ZC3H6: variants seen among roughly 807,000 people sequenced by gnomAD.
ZC3H6 encodes the protein zinc finger CCCH-type containing 6, also known as zinc finger CCCH domain-containing protein 6.
ZC3H6 carries 40 observed loss-of-function variants against 107.7 expected under a neutral mutation model. The observed-to-expected ratio is 0.37, with a 90% CI of 0.29 to 0.48. ZC3H6 has a LOEUF of 0.48. Ranked by LOEUF, ZC3H6 falls within the 20% of genes least tolerant of loss-of-function variation. The pLI, the probability that ZC3H6 is intolerant of heterozygous loss-of-function variation, is 0.98. For missense variants in ZC3H6, 1,267 were observed against 1,410.4 expected (o/e 0.90, Z 1.63); for synonymous variants, 493 against 487.9 (o/e 1.01, Z -0.14).
At chr2:112,312,117 T>A in intron 5 of ZC3H6, 180 bp downstream of exon 5, 6 of 579,438 alleles carry the variant, frequency 1.0e-5, no homozygotes, top group Non-Finnish European at 1.6e-5. Context: ...GAAACTAATT[T>A]ACAGATTTTG....
rs564035069 is a variant in ZC3H6 at position 112,317,198 on chromosome 2, C to CTTTTTT, written c.865-14_865-9dup. Reference sequence around the variant, plus strand: ...TGTTTCTTACCTTTTTTTCTTTTTTCTTTTTTTTTTTTTTGTGAATAGGGA... The same window carrying CTTTTTT: ...TGTTTCTTACCTTTTTTTCTTTTTTCTTTTTTTTTTTTTTTTTTTTGTGAATAGGGA... On this transcript the variant is annotated intron_variant, in intron 6 of 11. Transcript: ENST00000409871. The CTTTTTT allele has an allele frequency of 6.7e-5, 69 of 1,027,700 alleles. 1 individual carries two copies. Among genetic ancestry groups the CTTTTTT allele is most frequent in the South Asian group, 5.2e-4 (23 of 44,300 alleles). The allele number at this position is 1,027,700 out of a possible 1,614,324, so 63.7% of individuals were successfully genotyped here. A position where few individuals can be genotyped will look rare whatever the true frequency, so the allele number is the denominator to read the frequency against.
At chr2:112,279,827 C>T (rs1468497457) in intron 1 of ZC3H6, among the ~76,000 whole-genome samples, 3 of 152,196 alleles carry the variant, frequency 2.0e-5, no homozygotes, top group African/African-American at 7.2e-5. Context: ...TAAATACAAC[C>T]TAGATAAGAA....
intron 1 of ZC3H6, among the ~76,000 whole-genome samples, chr2:112,280,786 TAGTA>T (rs1195003485): frequency 6.6e-6 from 1 of 152,256 alleles, no homozygotes; most frequent in African/African-American, 2.4e-5. Flanking sequence ...ATAAAAGTGT[TAGTA>T]TGTGGAGAGT....
intron 3 of ZC3H6, among the ~76,000 whole-genome samples, chr2:112,305,273 G>C (rs1676454723): frequency 6.6e-6 from 1 of 152,148 alleles, no homozygotes; most frequent in Non-Finnish European, 1.5e-5. Context: ...AAAATATCAA[G>C]TAATGAGACA....
At chr2:112,285,006 T>C (rs1401582872) in intron 1 of ZC3H6, among the ~76,000 whole-genome samples, 3 of 152,210 alleles carry the variant, frequency 2.0e-5, no homozygotes, top group African/African-American at 7.2e-5. Context: ...TTAATACTGG[T>C]ATGACAACTG....
At chr2:112,299,368 GC>G (rs1408183593) in intron 1 of ZC3H6, among the ~76,000 whole-genome samples, 2 of 152,020 alleles carry the variant, frequency 1.3e-5, no homozygotes, top group Non-Finnish European at 2.9e-5. Flanking sequence ...GCCAAGGGCA[GC>G]CCATTCTTGG....
chr2:112,303,041 C>T (rs1676411475), intron 2 of ZC3H6, among the ~76,000 whole-genome samples, 188 bp from the exon 3 acceptor site: 2 of 152,060 alleles, frequency 1.3e-5, no homozygotes, highest in African/African-American at 2.4e-5. Context: ...ATAGACTTCT[C>T]AGAAAACCTC....
intron 8 of ZC3H6, among the ~76,000 whole-genome samples, chr2:112,322,094 C>CCCTTCCCT (rs1676812197): frequency 1.3e-5 from 2 of 149,664 alleles, no homozygotes; most frequent in Non-Finnish European, 1.5e-5. Context: ...CTTTCTCTCC[C>CCCTTCCCT]CCTTCCCTCC....
In ZC3H6 at chr2:112,303,497, A is replaced by C. The variant is rs566568329; in HGVS notation, c.336+146A>C. ...ACTTATCCATTTCTAGAAATTCTTG[A>C]TCATTCCAAACAGAAACTCAGCACC... is the stretch of plus-strand genomic sequence containing the variant. On this transcript the variant is annotated intron_variant, in intron 3 of 11. Coordinates refer to ENST00000409871, the MANE Select transcript of ZC3H6 (RefSeq NM_198581.3). 3.4e-5 allele frequency: 21 copies of C among 612,364 alleles called. No individual in the cohort carries two copies. The South Asian group carries it at 4.8e-4, about 14-fold the overall frequency. 37.9% of individuals were successfully genotyped at this position (612,364 alleles called of 1,614,324 possible). A position where few individuals can be genotyped will look rare whatever the true frequency, so the allele number is the denominator to read the frequency against.
intron 3 of ZC3H6, among the ~76,000 whole-genome samples, chr2:112,303,666 T>C (rs993072595): frequency 2.6e-5 from 4 of 152,222 alleles, no homozygotes; most frequent in African/African-American, 9.6e-5. Flanking sequence ...CTGGCTTATT[T>C]CACTTAACAT....
chr2:112,292,902 T>C (rs976814801), intron 1 of ZC3H6, among the ~76,000 whole-genome samples: 3 of 152,180 alleles, frequency 2.0e-5, no homozygotes, highest in Non-Finnish European at 2.9e-5. Context: ...CTGGAAGACG[T>C]GAGAAGTCTC....
At chr2:112,288,602 T>C (rs1157095952) in intron 1 of ZC3H6, among the ~76,000 whole-genome samples, 1 of 152,334 alleles carries the variant, frequency 6.6e-6, no homozygotes, top group Middle Eastern at 3.4e-3. Flanking sequence ...AACACAGATC[T>C]TTCTGGTTCT....
chr2:112,325,982 A>G (rs913171259), intron 11 of ZC3H6, among the ~76,000 whole-genome samples: 1 of 152,072 alleles, frequency 6.6e-6, no homozygotes, highest in African/African-American at 2.4e-5. Flanking sequence ...TAAACATGAC[A>G]TTTATGAAAA....
intron 11 of ZC3H6, among the ~76,000 whole-genome samples, chr2:112,329,431 A>G (rs1573966560): frequency 6.6e-6 from 1 of 152,234 alleles, no homozygotes; most frequent in Non-Finnish European, 1.5e-5. Context: ...TGCAGCAGGT[A>G]AAAGTGAATC....
chr2:112,290,186 AC>A (rs1231937622), intron 1 of ZC3H6, among the ~76,000 whole-genome samples: 1 of 152,244 alleles, frequency 6.6e-6, no homozygotes, highest in African/African-American at 2.4e-5. Flanking sequence ...CCTGGTGACC[AC>A]CATTTCCTGA....
chr2:112,305,868 C>T lies in ZC3H6; in HGVS notation c.336+2517C>T, dbSNP rs536027248. Among the ~76,000 whole-genome samples, 184 of 152,174 alleles carry T rather than the reference C, an allele frequency of 1.2e-3. 1 individual carries two copies. The highest frequency in any genetic ancestry group is 1.8e-3 in the Non-Finnish European group (124 of 68,014). On this transcript the variant is annotated intron_variant, in intron 3 of 11. Transcript: ENST00000409871. ...TCCTGTATATCTTTCATCCAGATTCCCCAGTTAACGTTTTACCACATATGC... is the reference window on the plus strand; with the variant it reads ...TCCTGTATATCTTTCATCCAGATTCTCCAGTTAACGTTTTACCACATATGC...
chr2:112,331,821 A>G lies in ZC3H6; in HGVS notation c.2903A>G (p.Asn968Ser). The change falls in exon 12 of 12, where the codon AAT becomes AGT. Residue 968 changes from asparagine (N) to serine (S), a missense_variant. Around this residue, in one of 3 missense-constraint regions of ZC3H6, gnomAD observed 925 missense variants for 1,025.7 expected, o/e 0.90. Transcript: ENST00000409871. ...AKLGDPRLQK[N>S]FDPRLHRLPN... Reference sequence around the variant, plus strand: ...TTAGGAGATCCTAGACTACAAAAAAATTTTGATCCTAGGCTTCACAGACTG... The same window carrying G: ...TTAGGAGATCCTAGACTACAAAAAAGTTTTGATCCTAGGCTTCACAGACTG... 1.9e-6 allele frequency: 3 copies of G among 1,613,770 alleles called. No homozygotes were observed. Among genetic ancestry groups the G allele is most frequent in the Non-Finnish European group, 2.5e-6 (3 of 1,179,866 alleles).
intron 1 of ZC3H6, among the ~76,000 whole-genome samples, chr2:112,289,965 T>A (rs537236050): frequency 1.3e-5 from 2 of 152,312 alleles, no homozygotes; most frequent in East Asian, 3.9e-4. Flanking sequence ...GGTCTCACAC[T>A]CCTGGGCTTG....
In ZC3H6 at chr2:112,334,656, G is replaced by A. The variant is rs1268575206; in HGVS notation, c.*2168G>A. ...TCAAATTTGACAATATATTTTATAT[G>A]AAAATGTTTATGTTTAAAATAACTT... On this transcript the variant is annotated 3_prime_UTR_variant, in exon 12 of 12. Transcript: ENST00000409871. The A allele has an allele frequency of 6.6e-6, 1 of 152,438 alleles. No individual in the cohort carries two copies. The highest frequency in any genetic ancestry group is 2.4e-5 in the African/African-American group (1 of 41,412). The allele number at this position is 152,438 out of a possible 1,614,324, so 9.4% of individuals were successfully genotyped here.
Sources: allele counts gnomAD v4.1 joint callset (sites outside exome capture counted in the v4.1 genomes callset), GRCh38; gene constraint gnomAD v4.1.1; regional missense constraint gnomAD v4.1.1; transcripts MANE v1.5; gene names NCBI Gene and HGNC (gene_info 2026-07-23, HGNC 2026-07-21).